HDAC9: variants seen among roughly 807,000 people sequenced by gnomAD.
HDAC9 encodes MEF-2 interacting transcription repressor (MITR) protein.
A neutral mutation model predicts 139.4 loss-of-function variants in HDAC9; 41 were observed. The ratio of observed to expected loss-of-function variants is 0.29; its 90% CI spans 0.23 to 0.38. The LOEUF (loss-of-function observed/expected upper bound fraction) is 0.38, where lower values mean the gene tolerates loss of function less well. Ranked by LOEUF, HDAC9 falls within the 10% of genes least tolerant of loss-of-function variation. HDAC9 has a pLI of 1.00. For synonymous variants in HDAC9, 517 were observed against 476.2 expected (o/e 1.09, Z -1.12); for missense variants, 1,147 against 1,297.0 (o/e 0.88, Z 1.78).
At chr7:18,177,199 G>A (rs931022264) in intron 2 of HDAC9, among the ~76,000 whole-genome samples, 6 of 152,154 alleles carry the variant, frequency 3.9e-5, no homozygotes, top group Admixed American at 2.6e-4. Context: ...AATAAAATAC[G>A]TGAGGAGGAA....
intron 2 of HDAC9, among the ~76,000 whole-genome samples, chr7:18,181,446 T>C (rs1361823233): frequency 6.6e-6 from 1 of 152,158 alleles, no homozygotes; most frequent in Non-Finnish European, 1.5e-5. Flanking sequence ...TATGTCTCCT[T>C]TTGCACAGTT....
intron 2 of HDAC9, among the ~76,000 whole-genome samples, chr7:18,211,489 T>A (rs1791932923): frequency 6.6e-6 from 1 of 152,206 alleles, no homozygotes; most frequent in African/African-American, 2.4e-5. Context: ...TATATACTCA[T>A]GACTTCCTTC....
chr7:18,695,739 A>G (rs921257823), intron 12 of HDAC9, among the ~76,000 whole-genome samples: 1 of 152,206 alleles, frequency 6.6e-6, no homozygotes, highest in African/African-American at 2.4e-5. Flanking sequence ...TTAACAACCA[A>G]AAAAAGAGCA....
At position 18,634,735 on chromosome 7, in the gene HDAC9, A is replaced by C; in HGVS notation, c.905A>C (p.His302Pro). 3.2e-6 allele frequency: 5 copies of C among 1,581,000 alleles called. No homozygotes were observed. Among genetic ancestry groups the C allele is most frequent in the Non-Finnish European group, 4.3e-6 (5 of 1,159,138 alleles). Residue 302 changes from histidine to proline, a missense_variant, in exon 8 of 26, where the codon CAT becomes CCT. Coordinates refer to ENST00000686413, the MANE Select transcript of HDAC9 (RefSeq NM_178425.4). ...NETSVLPPTP[H>P]AEQMVSQQRI... ...ACTTCGGTTTTGCCCCCTACCCCTCATGCCGAGGTAAGACCCTTATTATTT... is the reference window on the plus strand; with the variant it reads ...ACTTCGGTTTTGCCCCCTACCCCTCCTGCCGAGGTAAGACCCTTATTATTT...
intron 2 of HDAC9, among the ~76,000 whole-genome samples, chr7:18,248,586 C>T (rs1794713754): frequency 1.3e-5 from 2 of 152,178 alleles, no homozygotes; most frequent in South Asian, 4.1e-4. Flanking sequence ...GCATGCTACT[C>T]TACTATTTCA....
At chr7:18,667,187 T>C in intron 12 of HDAC9, 1 of 985,348 alleles carries the variant, frequency 1.0e-6, no homozygotes, top group Non-Finnish European at 1.2e-6. Flanking sequence ...TTACTTTTAT[T>C]TTGTGTAATT....
intron 1 of HDAC9, among the ~76,000 whole-genome samples, chr7:18,451,393 GTGTGTGTGTATA>G (rs939739229): frequency 2.2e-5 from 3 of 134,322 alleles, no homozygotes; most frequent in Non-Finnish European, 3.3e-5. Flanking sequence ...GTGTGTGTGT[GTGTGTGTGTATA>G]TATGTGTGTG....
intron 1 of HDAC9, among the ~76,000 whole-genome samples, chr7:18,132,082 C>T (rs17345562): frequency 0.044 from 6,655 of 152,246 alleles, 187 homozygotes; most frequent in Non-Finnish European, 0.06. Context: ...CACCTTCACA[C>T]GCCTCTTTTT....
rs146038173 is a variant in HDAC9 at position 18,171,208 on chromosome 7, T to C, written c.25+8859T>C. 2.0e-3 allele frequency among the ~76,000 whole-genome samples: 311 copies of C among 152,320 alleles called. 3 individuals carry two copies. In the East Asian group the frequency reaches 0.035, roughly 17 times the overall value. The stretch of plus-strand genomic sequence containing the variant: ...AGGTATTTTATTCTCTTTGAAGCAA[T>C]TGTGAATGGGAGTTCACTCATGACT... On this transcript the variant is annotated intron_variant, in intron 2 of 12. Transcript: ENST00000417496.
chr7:18,785,687 A>C (rs1791654907), intron 16 of HDAC9, among the ~76,000 whole-genome samples: 1 of 152,214 alleles, frequency 6.6e-6, no homozygotes. Context: ...ATATATGATT[A>C]GAATCTGTTT....
At chr7:18,826,345 T>TGAGCA (rs1795433536) in intron 17 of HDAC9, among the ~76,000 whole-genome samples, 2 of 151,906 alleles carry the variant, frequency 1.3e-5, no homozygotes, top group African/African-American at 2.4e-5. Flanking sequence ...TTGAGCAGAT[T>TGAGCA]GTGGGAGAAG....
intron 2 of HDAC9, among the ~76,000 whole-genome samples, chr7:18,568,908 G>A (rs765067277): frequency 4.6e-5 from 7 of 152,144 alleles, no homozygotes; most frequent in Non-Finnish European, 7.4e-5. Flanking sequence ...TTAGCTGGGC[G>A]TGGTGGCACA....
At chr7:18,796,520 G>A (rs1792813973) in intron 17 of HDAC9, among the ~76,000 whole-genome samples, 1 of 152,172 alleles carries the variant, frequency 6.6e-6, no homozygotes, top group South Asian at 2.1e-4. Flanking sequence ...GCTCAGTGGA[G>A]CTCAGTGAAA....
At position 18,313,915 on chromosome 7, in the gene HDAC9, A is replaced by T. The variant is rs190925253; in HGVS notation, c.-42+23400A>T. Among the ~76,000 whole-genome samples the T allele has an allele frequency of 1.7e-3, 252 of 152,250 alleles. 1 individual carries two copies. The highest frequency in any genetic ancestry group is 2.6e-3 in the Non-Finnish European group (179 of 68,002). On this transcript the variant is annotated intron_variant, in intron 1 of 3. Transcript: ENST00000413509. ...GAAATTTCACTTAGAGACATTTGATATATTTTTGGAGGGATTTCAGGGATC... is the reference window on the plus strand; with the variant it reads ...GAAATTTCACTTAGAGACATTTGATTTATTTTTGGAGGGATTTCAGGGATC...
chr7:18,765,412 G>A (rs1460766977), intron 15 of HDAC9, among the ~76,000 whole-genome samples: 1 of 152,068 alleles, frequency 6.6e-6, no homozygotes, highest in East Asian at 1.9e-4. Flanking sequence ...ACGAGGTCAG[G>A]AGATGGAGAC....
intron 1 of HDAC9, among the ~76,000 whole-genome samples, chr7:18,482,270 A>G (rs183733578): frequency 3.6e-4 from 55 of 151,214 alleles, no homozygotes; most frequent in African/African-American, 1.3e-3. Flanking sequence ...GCTGCTGAGC[A>G]TAGTGGTGTG....
At chr7:18,393,340 A>T (rs1341571353) in intron 1 of HDAC9, among the ~76,000 whole-genome samples, 1 of 152,186 alleles carries the variant, frequency 6.6e-6, no homozygotes, top group Non-Finnish European at 1.5e-5. Context: ...TTGACCAGAT[A>T]GGATCAGGGA....
chr7:18,985,808 C>T (rs1452464076), intron 25 of HDAC9, among the ~76,000 whole-genome samples: 1 of 136,166 alleles, frequency 7.3e-6, no homozygotes, highest in Non-Finnish European at 1.5e-5. Flanking sequence ...ATTTGCATTT[C>T]TCTGATGGCC....
intron 13 of HDAC9, among the ~76,000 whole-genome samples, chr7:18,733,038 G>GT: frequency 2.1e-5 from 3 of 142,202 alleles, no homozygotes; most frequent in African/African-American, 7.8e-5. Flanking sequence ...TATATATACA[G>GT]ATATACATAT....
Sources: gnomAD v4.1 joint callset for allele counts (sites outside exome capture counted in the v4.1 genomes callset) on GRCh38, gnomAD v4.1.1 for gene constraint, MANE v1.5 for transcripts, NCBI Gene and HGNC (gene_info 2026-07-23, HGNC 2026-07-21) for gene names.